The following ABCC2 variants were observed in gnomAD, a reference collection of about 807,000 sequenced individuals.
The protein encoded by ABCC2 is ATP-binding cassette sub-family C member 2.
In ABCC2, 157 loss-of-function variants were observed where a neutral mutation model predicts 173.4. That is an observed-to-expected ratio of 0.91 (90% CI 0.80 to 1.03). ABCC2 has a LOEUF of 1.03. Ranked by LOEUF, ABCC2 falls within the 50% of genes least tolerant of loss-of-function variation. ABCC2 has a pLI of 0.00. For missense variants in ABCC2, 1,822 were observed against 1,852.3 expected (o/e 0.98, Z 0.30); for synonymous variants, 657 against 693.5 (o/e 0.95, Z 0.83).
intron 6 of ABCC2, among the ~76,000 whole-genome samples, chr10:99,795,754 A>G (rs372496363): frequency 7.9e-6 from 1 of 127,016 alleles, no homozygotes; most frequent in Non-Finnish European, 1.7e-5. Context: ...AAAGAAAGAA[A>G]GAAAGAAAGA....
At chr10:99,807,152 T>C (rs992412761) in intron 11 of ABCC2, among the ~76,000 whole-genome samples, 1 of 152,260 alleles carries the variant, frequency 6.6e-6, no homozygotes, top group Non-Finnish European at 1.5e-5. Context: ...CCAGGCAAAC[T>C]GGAACAGTTA....
chr10:99,811,413 G>T (rs1041710417), intron 14 of ABCC2, 123 bp from the exon 15 acceptor site: 1 of 943,954 alleles, frequency 1.1e-6, no homozygotes, highest in Non-Finnish European at 1.7e-6. Flanking sequence ...TCCTGTTAGC[G>T]TAGGAGCCAG....
At chr10:99,787,146 ACT>A (rs2037726199) in intron 2 of ABCC2, among the ~76,000 whole-genome samples, 1 of 137,306 alleles carries the variant, frequency 7.3e-6, no homozygotes, top group African/African-American at 2.7e-5. Flanking sequence ...CCAGCTTCAG[ACT>A]CTGTCTCAAA....
In ABCC2 at chr10:99,797,399, G is replaced by A. The variant is rs146643720; in HGVS notation, c.867+68G>A. On this transcript the variant is annotated intron_variant, in intron 7 of 31. Coordinates refer to ENST00000647814, the MANE Select transcript of ABCC2 (RefSeq NM_000392.5). ...CAGGCAAGGGTACATCAGCATCATG[G>A]CGATTCTGTCCTTACATTTTTATAG... 2.1e-6 allele frequency: 3 copies of A among 1,398,124 alleles called. No homozygotes were observed. In the African/African-American group the frequency reaches 4.3e-5, roughly 20 times the overall value. 86.6% of individuals were successfully genotyped at this position (1,398,124 alleles called of 1,614,324 possible). A position where few individuals can be genotyped will look rare whatever the true frequency, so the allele number is the denominator to read the frequency against.
At chr10:99,843,718 C>T (rs916981215) in intron 26 of ABCC2, 81 bp from the exon 27 acceptor site, 25 of 1,150,868 alleles carry the variant, frequency 2.2e-5, no homozygotes, top group Non-Finnish European at 3.0e-5. Flanking sequence ...ACAAAGTCGG[C>T]ACTGGATTGT....
chr10:99,846,390 T>A (rs1285313618), intron 29 of ABCC2, among the ~76,000 whole-genome samples: 1 of 152,184 alleles, frequency 6.6e-6, no homozygotes, highest in Non-Finnish European at 1.5e-5. Flanking sequence ...CGATAGTCTT[T>A]TCTCCAGCCT....
intron 9 of ABCC2, among the ~76,000 whole-genome samples, chr10:99,803,206 T>C (rs898277052): frequency 1.3e-5 from 2 of 152,202 alleles, no homozygotes; most frequent in Non-Finnish European, 2.9e-5. Flanking sequence ...TGACCTCAGG[T>C]GATCTGCCTG....
chr10:99,840,404 G>C (rs1275617806), intron 25 of ABCC2, among the ~76,000 whole-genome samples: 3 of 146,872 alleles, frequency 2.0e-5, no homozygotes, highest in Non-Finnish European at 4.5e-5. Flanking sequence ...ATGGCCGGAC[G>C]GGCTCCCTAA....
chr10:99,835,856 T>G (rs972506022), intron 24 of ABCC2, among the ~76,000 whole-genome samples: 1 of 152,186 alleles, frequency 6.6e-6, no homozygotes, highest in Non-Finnish European at 1.5e-5. Flanking sequence ...GGCTGCAGTG[T>G]GCTCTCCTCA....
intron 16 of ABCC2, among the ~76,000 whole-genome samples, chr10:99,814,560 C>T (rs868508050): frequency 8.0e-5 from 10 of 124,280 alleles, no homozygotes; most frequent in Admixed American, 2.4e-4. Flanking sequence ...TGTGTATATA[C>T]ACATATACAC....
At chr10:99,796,095 G>T (rs1009468492) in intron 6 of ABCC2, among the ~76,000 whole-genome samples, 5 of 152,176 alleles carry the variant, frequency 3.3e-5, no homozygotes, top group African/African-American at 1.2e-4. Flanking sequence ...GGACATAGTG[G>T]CTCACACCTG....
At chr10:99,820,853 G>A (rs971729512) in intron 19 of ABCC2, among the ~76,000 whole-genome samples, 10 of 152,286 alleles carry the variant, frequency 6.6e-5, no homozygotes, top group South Asian at 2.1e-4. Context: ...GGTGTTTCTC[G>A]TAAGGTGGAA....
At chr10:99,830,531 A>G in intron 20 of ABCC2, 98 bp downstream of exon 20, 1 of 1,579,546 alleles carries the variant, frequency 6.3e-7, no homozygotes. Context: ...GGTTAACACC[A>G]TGGACACTCC....
At position 99,808,229 on chromosome 10, in the gene ABCC2, G is replaced by A. The variant is rs766157931; in HGVS notation, c.1815G>A (p.Gln605=). 6.2e-7 allele frequency: 1 copy of A among 1,614,006 alleles called. No homozygotes were observed. Among genetic ancestry groups the A allele is most frequent in the East Asian group, 2.2e-5 (1 of 44,880 alleles). Residue 605 remains glutamine, a splice_region_variant and synonymous_variant, in exon 13 of 32, where the codon CAG becomes CAA. Coordinates refer to ENST00000647814, the MANE Select transcript of ABCC2 (RefSeq NM_000392.5). ...MLPMMISSML[Q]ASVSTERLEK... ...CCATGATGATCTCCTCCATGCTCCA[G>A]GTAGGTCGGCATTCTCACTGCTAAC...
chr10:99,810,850 C>A (rs1590160244), intron 14 of ABCC2, among the ~76,000 whole-genome samples: 1 of 152,054 alleles, frequency 6.6e-6, no homozygotes, highest in African/African-American at 2.4e-5. Context: ...CATGGAGAAA[C>A]CCTGTCTCTA....
chr10:99,851,761 C>A lies in ABCC2; in HGVS notation c.*130C>A. ...TTTTAAAAAAGGATAAGTGAACACC[C>A]ATGAACCTACTACCCAGGTTAAGAA... On this transcript the variant is annotated 3_prime_UTR_variant, in exon 32 of 32. Coordinates refer to ENST00000647814, the MANE Select transcript of ABCC2 (RefSeq NM_000392.5). 1.1e-6 allele frequency: 1 copy of A among 893,718 alleles called. No individual in the cohort carries two copies. Among genetic ancestry groups the A allele is most frequent in the South Asian group, 1.9e-5 (1 of 53,390 alleles). 55.4% of individuals were successfully genotyped at this position (893,718 alleles called of 1,614,324 possible).
chr10:99,797,118 G>T lies in ABCC2; in HGVS notation c.654G>T (p.Lys218Asn), dbSNP rs1359130315. 6.2e-7 allele frequency: 1 copy of T among 1,614,030 alleles called. No homozygotes were observed. Among genetic ancestry groups the T allele is most frequent in the Non-Finnish European group, 8.5e-7 (1 of 1,180,012 alleles). Residue 218 changes from lysine (K) to asparagine (N), a missense_variant, in exon 7 of 32, where the codon AAG (lysine) becomes AAT (asparagine). Transcript: ENST00000647814. ...WYDSIILKGYKRPLTLEDVWE... is the reference protein window; with the variant it reads ...WYDSIILKGYNRPLTLEDVWE... ...CCAGCATCATTCTGAAAGGCTACAAGCGTCCTCTGACACTCGAGGATGTCT... is the reference window on the plus strand; with the variant it reads ...CCAGCATCATTCTGAAAGGCTACAATCGTCCTCTGACACTCGAGGATGTCT...
chr10:99,832,274 G>A, intron 23 of ABCC2, 143 bp downstream of exon 23: 1 of 1,055,290 alleles, frequency 9.5e-7, no homozygotes, highest in Non-Finnish European at 1.4e-6. Flanking sequence ...TTGAGTACCT[G>A]CTGTGAGCTC....
chr10:99,807,646 TG>T lies in ABCC2; in HGVS notation c.1668+126del, dbSNP rs972184347. On this transcript the variant is annotated intron_variant, in intron 12 of 31. Transcript: ENST00000647814. ...GCCTGACCGCAAGATCCAGGGGACT[TG>T]TCCCTCTCACCGCCCCATGCCACTT... 150 of 1,394,502 alleles carry T rather than the reference TG, an allele frequency of 1.1e-4. 1 individual carries two copies. The African/African-American group carries it at 1.6e-3, about 15-fold the overall frequency. 86.4% of individuals were successfully genotyped at this position (1,394,502 alleles called of 1,614,324 possible). A position where few individuals can be genotyped will look rare whatever the true frequency, so the allele number is the denominator to read the frequency against.
Sources: allele counts gnomAD v4.1 joint callset (sites outside exome capture counted in the v4.1 genomes callset), GRCh38; gene constraint gnomAD v4.1.1; transcripts MANE v1.5; gene names NCBI Gene and HGNC (gene_info 2026-07-23, HGNC 2026-07-21).